The following RGS18 variants were observed in gnomAD, a reference collection of about 807,000 sequenced individuals.
The protein encoded by RGS18 is regulator of G protein signaling 18.
RGS18 carries 22 observed loss-of-function variants against 27.6 expected under a neutral mutation model. The ratio of observed to expected loss-of-function variants is 0.80; its 90% CI spans 0.57 to 1.14. RGS18 has a LOEUF of 1.14. Among genes scored for constraint, RGS18 ranks in the 50% most tolerant of loss-of-function variants. The probability of loss-of-function intolerance (pLI) is 0.00; values close to 1 mark genes in which losing one functional copy is unlikely to be tolerated. For synonymous variants in RGS18, 89 were observed against 84.6 expected (o/e 1.05, Z -0.29); for missense variants, 299 against 269.6 (o/e 1.11, Z -0.76).
Position 192,160,373 on chromosome 1 carries a change from T to C in RGS18, c.222-5T>C, listed in dbSNP as rs762995120. Reference sequence around the variant, plus strand: ...CCATTATAAAACATTTTGTTTCTTGTACAGAGTCTCCCCTGAAGAGGCAGT... The same window carrying C: ...CCATTATAAAACATTTTGTTTCTTGCACAGAGTCTCCCCTGAAGAGGCAGT... On this transcript the variant is annotated splice_region_variant and splice_polypyrimidine_tract_variant and intron_variant, in intron 2 of 4. Coordinates refer to ENST00000367460, the MANE Select transcript of RGS18 (RefSeq NM_130782.3). 1.2e-6 allele frequency: 2 copies of C among 1,607,084 alleles called. No individual in the cohort carries two copies. Among genetic ancestry groups the C allele is most frequent in the South Asian group, 2.2e-5 (2 of 90,800 alleles).
intron 3 of RGS18, 192 bp downstream of exon 3, chr1:192,160,631 T>G (rs184958453): frequency 5.8e-6 from 3 of 514,102 alleles, no homozygotes; most frequent in Non-Finnish European, 1.0e-5. Context: ...GTTCTCATTT[T>G]GTTTAGAATT....
chr1:192,182,229 T>C (rs1335398767), intron 4 of RGS18, among the ~76,000 whole-genome samples: 1 of 151,560 alleles, frequency 6.6e-6, no homozygotes, highest in Non-Finnish European at 1.5e-5. Flanking sequence ...GGCTGGATCG[T>C]ATGATAGTTT....
Position 192,159,118 on chromosome 1 carries a change from G to A in RGS18, c.120-102G>A, listed in dbSNP as rs879034383. 1.9e-4 allele frequency: 133 copies of A among 711,868 alleles called. 2 individuals are homozygous for A. In the South Asian group the frequency reaches 2.2e-3, roughly 12 times the overall value. 44.1% of individuals were successfully genotyped at this position (711,868 alleles called of 1,614,324 possible). ...GGGATTCATGAGTGTGTGGGTATGG[G>A]TGGGCGTGGGTTTTTACCAACTACA... On this transcript the variant is annotated intron_variant, in intron 1 of 4. Coordinates refer to ENST00000367460, the MANE Select transcript of RGS18 (RefSeq NM_130782.3).
intron 3 of RGS18, among the ~76,000 whole-genome samples, chr1:192,174,529 C>A (rs1656323588): frequency 6.6e-6 from 1 of 151,742 alleles, no homozygotes; most frequent in African/African-American, 2.4e-5. Context: ...AGAATCTATA[C>A]CTAAATTGTG....
chr1:192,178,010 G>A (rs762604323), intron 3 of RGS18, among the ~76,000 whole-genome samples: 3 of 151,602 alleles, frequency 2.0e-5, no homozygotes, highest in African/African-American at 4.8e-5. Flanking sequence ...CCAGTTAGGA[G>A]GTTTTTATAA....
intron 3 of RGS18, chr1:192,169,731 A>T (rs1036541761): frequency 6.6e-6 from 1 of 152,158 alleles, no homozygotes; most frequent in Non-Finnish European, 1.5e-5. Flanking sequence ...CTAGCCAAGA[A>T]ATTCTCTTCA....
At chr1:192,170,134 T>C (rs987641064) in intron 3 of RGS18, among the ~76,000 whole-genome samples, 7 of 152,156 alleles carry the variant, frequency 4.6e-5, no homozygotes, top group Non-Finnish European at 8.8e-5. Context: ...TGTGGTGGTT[T>C]TCTTTTACAG....
Position 192,185,688 on chromosome 1 carries a change from A to T in RGS18, c.*1134A>T, listed in dbSNP as rs1656537092. 1 of 151,636 alleles carries T rather than the reference A, an allele frequency of 6.6e-6. No homozygotes were observed. Among genetic ancestry groups the T allele is most frequent in the Admixed American group, 6.6e-5 (1 of 15,190 alleles). The allele number at this position is 151,636 out of a possible 1,614,324, so 9.4% of individuals were successfully genotyped here. A position where few individuals can be genotyped will look rare whatever the true frequency, so the allele number is the denominator to read the frequency against. On this transcript the variant is annotated 3_prime_UTR_variant, in exon 5 of 5. Coordinates refer to ENST00000367460, the MANE Select transcript of RGS18 (RefSeq NM_130782.3). ...ATATTTGTATTTAAAAATGCCATGC[A>T]TTAGGCTTTGGAAATTTAATGTTAG...
At position 192,158,541 on chromosome 1, in the gene RGS18, A is replaced by G; in HGVS notation, c.-97A>G. The G allele has an allele frequency of 2.8e-6, 3 of 1,079,194 alleles. No homozygotes were observed. Among genetic ancestry groups the G allele is most frequent in the Non-Finnish European group, 3.7e-6 (3 of 813,656 alleles). The allele number at this position is 1,079,194 out of a possible 1,614,324, so 66.9% of individuals were successfully genotyped here. On this transcript the variant is annotated 5_prime_UTR_variant, in exon 1 of 5. It adds an upstream start codon to the 5' untranslated region. Coordinates refer to ENST00000367460, the MANE Select transcript of RGS18 (RefSeq NM_130782.3). ...TAAACATTACTGTAAGAGTTGTGAT[A>G]ACTTTTTATTCTACTATGTATATGT...
chr1:192,181,487 T>A (rs771762172), intron 4 of RGS18, 29 bp downstream of exon 4: 2 of 1,436,178 alleles, frequency 1.4e-6, no homozygotes, highest in South Asian at 3.0e-5. Context: ...TAAAAATGCA[T>A]AATTGCTTTC....
At chr1:192,170,540 T>C (rs1344163932) in intron 3 of RGS18, among the ~76,000 whole-genome samples, 1 of 151,996 alleles carries the variant, frequency 6.6e-6, no homozygotes, top group Non-Finnish European at 1.5e-5. Context: ...ATGTTCTTTA[T>C]AAATTACTCA....
chr1:192,169,334 G>T (rs946749877), intron 3 of RGS18: 2 of 152,114 alleles, frequency 1.3e-5, no homozygotes, highest in Non-Finnish European at 1.5e-5. Context: ...AATCGAAAAC[G>T]TTTATGCTTT....
chr1:192,166,077 A>C (rs116333411), intron 3 of RGS18, among the ~76,000 whole-genome samples: 1 of 152,212 alleles, frequency 6.6e-6, no homozygotes, highest in African/African-American at 2.4e-5. Context: ...GTTTGAACTT[A>C]TAAAATCAGT....
chr1:192,177,996 G>A (rs1160468962), intron 3 of RGS18, among the ~76,000 whole-genome samples: 1 of 151,646 alleles, frequency 6.6e-6, no homozygotes, highest in Non-Finnish European at 1.5e-5. Context: ...TAAATTCAGG[G>A]TCACCAGTTA....
chr1:192,175,800 C>G (rs1656348949), intron 3 of RGS18, among the ~76,000 whole-genome samples: 1 of 151,822 alleles, frequency 6.6e-6, no homozygotes, highest in Non-Finnish European at 1.5e-5. Flanking sequence ...CCAATTAAGC[C>G]CCCTATGTCT....
intron 3 of RGS18, among the ~76,000 whole-genome samples, chr1:192,171,101 C>A (rs1316061559): frequency 6.6e-6 from 1 of 152,152 alleles, no homozygotes; most frequent in Non-Finnish European, 1.5e-5. Context: ...ATTAGCTTTA[C>A]TCTGAAAACC....
At chr1:192,172,580 A>G (rs1418307983) in intron 3 of RGS18, among the ~76,000 whole-genome samples, 1 of 151,856 alleles carries the variant, frequency 6.6e-6, no homozygotes, top group Non-Finnish European at 1.5e-5. Flanking sequence ...CTTCCAGAAT[A>G]CACTACATTT....
In RGS18 at chr1:192,159,278, G is replaced by A. The variant is rs762100879; in HGVS notation, c.178G>A (p.Asp60Asn). The A allele has an allele frequency of 6.2e-7, 1 of 1,613,596 alleles. No homozygotes were observed. The highest frequency in any genetic ancestry group is 1.3e-5 in the African/African-American group (1 of 74,920). ...TGTGCAGAAACCTGAGTTTCATGAA[G>A]ACACCCGCTCCAGTAGATCTGGGCA... ...LLVQKPEFHEDTRSSRSGHLA... is the reference protein window; with the variant it reads ...LLVQKPEFHENTRSSRSGHLA... The change falls in exon 2 of 5, where the codon GAC becomes AAC. Residue 60 changes from aspartate (D) to asparagine (N), a missense_variant. Physicochemically the swap from Asp to Asn is conservative, Grantham distance 23 (BLOSUM62 1). Coordinates refer to ENST00000367460, the MANE Select transcript of RGS18 (RefSeq NM_130782.3).
At position 192,184,845 on chromosome 1, in the gene RGS18, A is replaced by G. The variant is rs1258145420; in HGVS notation, c.*291A>G. 2.6e-5 allele frequency: 7 copies of G among 270,340 alleles called. No individual in the cohort carries two copies. The highest frequency in any genetic ancestry group is 1.3e-4 in the African/African-American group (6 of 45,014). 16.7% of individuals were successfully genotyped at this position (270,340 alleles called of 1,614,324 possible). The stretch of plus-strand genomic sequence containing the variant: ...TAATGTTTTATAAGATTGTAGAGTT[A>G]AGTAAAAGTTAAGCTTTTGCAAAGT... On this transcript the variant is annotated 3_prime_UTR_variant, in exon 5 of 5. Coordinates refer to ENST00000367460, the MANE Select transcript of RGS18 (RefSeq NM_130782.3).
Sources: gnomAD v4.1 joint callset for allele counts (sites outside exome capture counted in the v4.1 genomes callset) on GRCh38, gnomAD v4.1.1 for gene constraint, MANE v1.5 for transcripts, NCBI Gene and HGNC (gene_info 2026-07-23, HGNC 2026-07-21) for gene names.